Variants in MGAT4C observed in about 807,000 individuals in gnomAD.
The protein encoded by MGAT4C is alpha-1,3-mannosyl-glycoprotein 4-beta-N-acetylglucosaminyltransferase C.
In MGAT4C, 19 loss-of-function variants were observed where a neutral mutation model predicts 40.1. That is an observed-to-expected ratio of 0.47 (90% CI 0.33 to 0.70). The LOEUF (loss-of-function observed/expected upper bound fraction) is 0.70, where lower values mean the gene tolerates loss of function less well. Among genes scored for constraint, MGAT4C ranks in the 30% least tolerant of loss-of-function variants. MGAT4C has a pLI of 0.02. For synonymous variants in MGAT4C, 181 were observed against 187.1 expected (o/e 0.97, Z 0.27); for missense variants, 491 against 563.2 (o/e 0.87, Z 1.30).
At chr12:86,021,690 TAACA>T (rs1889748764) in intron 2 of MGAT4C, among the ~76,000 whole-genome samples, 1 of 151,984 alleles carries the variant, frequency 6.6e-6, no homozygotes. Context: ...TATACATATG[TAACA>T]AACCTGCACG....
intron 2 of MGAT4C, among the ~76,000 whole-genome samples, chr12:86,585,469 C>T (rs1193180346): frequency 6.6e-6 from 1 of 151,146 alleles, no homozygotes; most frequent in African/African-American, 2.4e-5. Flanking sequence ...AAACATATTA[C>T]ATTAATTAAA....
chr12:86,791,431 G>GTTT (rs77404320), intron 1 of MGAT4C, among the ~76,000 whole-genome samples: 1 of 144,110 alleles, frequency 6.9e-6, no homozygotes, highest in African/African-American at 2.6e-5. Context: ...GCTTTAAACT[G>GTTT]TTTTTTTTTT....
At chr12:86,686,190 A>G (rs992037045) in intron 2 of MGAT4C, among the ~76,000 whole-genome samples, 9 of 151,776 alleles carry the variant, frequency 5.9e-5, no homozygotes, top group Admixed American at 2.6e-4. Flanking sequence ...AATGCTTGTG[A>G]TTTTTGCACA....
intron 1 of MGAT4C, among the ~76,000 whole-genome samples, chr12:86,084,130 C>G (rs771633497): frequency 6.6e-6 from 1 of 151,960 alleles, no homozygotes; most frequent in African/African-American, 2.4e-5. Flanking sequence ...GAAGTCCCTG[C>G]GCTCAAAAAA....
intron 1 of MGAT4C, among the ~76,000 whole-genome samples, chr12:86,239,247 T>A (rs1341149124): frequency 6.6e-6 from 1 of 152,124 alleles, no homozygotes; most frequent in African/African-American, 2.4e-5. Flanking sequence ...GATGTCTCAA[T>A]GAATCTGGCT....
rs1882853248 is a variant in MGAT4C at position 85,957,437 on chromosome 12, A to G, written c.*21852T>C. 1 of 152,174 alleles carries G rather than the reference A, an allele frequency of 6.6e-6. No homozygotes were observed. Among genetic ancestry groups the G allele is most frequent in the South Asian group, 2.1e-4 (1 of 4,828 alleles). 9.4% of individuals were successfully genotyped at this position (152,174 alleles called of 1,614,324 possible). On this transcript the variant is annotated 3_prime_UTR_variant, in exon 5 of 5. Coordinates refer to ENST00000611864, the MANE Select transcript of MGAT4C (RefSeq NM_001351288.2). Reference sequence around the variant, plus strand: ...CTCTAGCCTTCCTTTCATGACATGCATGAACTCTAGCAGTGGCTAGAAGGA... The same window carrying G: ...CTCTAGCCTTCCTTTCATGACATGCGTGAACTCTAGCAGTGGCTAGAAGGA...
At chr12:86,564,514 A>G (rs912814181) in intron 2 of MGAT4C, among the ~76,000 whole-genome samples, 2 of 152,226 alleles carry the variant, frequency 1.3e-5, no homozygotes, top group East Asian at 3.9e-4. Flanking sequence ...GTCCAGTAAC[A>G]ATAAGTAGCA....
intron 2 of MGAT4C, among the ~76,000 whole-genome samples, chr12:86,546,853 G>A (rs1264514034): frequency 1.3e-5 from 2 of 151,950 alleles, no homozygotes; most frequent in African/African-American, 4.8e-5. Flanking sequence ...TCTAGATGCC[G>A]CCTAAAAGCG....
chr12:86,269,038 A>G (rs1229328509), intron 4 of MGAT4C, among the ~76,000 whole-genome samples: 5 of 134,518 alleles, frequency 3.7e-5, no homozygotes, highest in African/African-American at 8.6e-5. Flanking sequence ...ATATATATAT[A>G]TATATATATA....
intron 2 of MGAT4C, among the ~76,000 whole-genome samples, chr12:86,450,495 A>G (rs1010789758): frequency 6.6e-6 from 1 of 152,100 alleles, no homozygotes; most frequent in African/African-American, 2.4e-5. Context: ...AGTGAATAGA[A>G]GTTCTTATTT....
chr12:86,456,969 C>T (rs908835894), intron 2 of MGAT4C, among the ~76,000 whole-genome samples: 1 of 152,094 alleles, frequency 6.6e-6, no homozygotes, highest in Admixed American at 6.6e-5. Context: ...GGAGCATTTT[C>T]AAAAGCCGGA....
At chr12:86,782,791 T>C (rs1373047167) in intron 1 of MGAT4C, among the ~76,000 whole-genome samples, 1 of 151,864 alleles carries the variant, frequency 6.6e-6, no homozygotes, top group African/African-American at 2.4e-5. Context: ...GAGGAAAAGC[T>C]ACGTGAAGAC....
At chr12:86,489,460 T>C (rs1305679821) in intron 2 of MGAT4C, among the ~76,000 whole-genome samples, 3 of 152,198 alleles carry the variant, frequency 2.0e-5, no homozygotes, top group African/African-American at 7.2e-5. Context: ...CCCTTTCCTC[T>C]TGCTGCCAGA....
intron 4 of MGAT4C, among the ~76,000 whole-genome samples, chr12:86,313,358 A>C (rs1186788354): frequency 6.6e-6 from 1 of 152,202 alleles, no homozygotes. Flanking sequence ...GCAGACACAA[A>C]TTTAACTTGT....
intron 1 of MGAT4C, among the ~76,000 whole-genome samples, chr12:86,179,921 CTAA>C (rs771001448): frequency 9.2e-5 from 14 of 152,202 alleles, no homozygotes; most frequent in Non-Finnish European, 1.8e-4. Context: ...AGCAAAGATA[CTAA>C]TGTTAATCCC....
At chr12:86,407,849 T>C (rs1956506313) in intron 3 of MGAT4C, among the ~76,000 whole-genome samples, 1 of 152,124 alleles carries the variant, frequency 6.6e-6, no homozygotes, top group Non-Finnish European at 1.5e-5. Flanking sequence ...CAGGAATTTA[T>C]AGCTGCTTTT....
rs543871775 is a variant in MGAT4C, at chr12:86,318,258, C to G, written c.-57+15807G>C. Among the ~76,000 whole-genome samples, 4 of 152,260 alleles carry G rather than the reference C, an allele frequency of 2.6e-5. No individual in the cohort carries two copies. In the South Asian group the frequency reaches 8.3e-4, roughly 32 times the overall value. ...AGGTTTGAATTCATACCTGAAAGAA[C>G]TAGATGAATGTTACTATTTCTTTTG... On this transcript the variant is annotated intron_variant, in intron 4 of 7. Coordinates refer to the MGAT4C transcript ENST00000548651.
intron 2 of MGAT4C, among the ~76,000 whole-genome samples, chr12:86,472,714 C>T (rs1957773497): frequency 6.6e-6 from 1 of 151,992 alleles, no homozygotes; most frequent in Non-Finnish European, 1.5e-5. Context: ...AAGATATTTG[C>T]ATTTTCAAGT....
intron 3 of MGAT4C, among the ~76,000 whole-genome samples, chr12:86,398,956 A>G (rs924837719): frequency 6.6e-6 from 1 of 151,852 alleles, no homozygotes; most frequent in Admixed American, 6.6e-5. Context: ...TTTTTGTCCA[A>G]TTACATTTGT....
Sources: allele counts gnomAD v4.1 joint callset (sites outside exome capture counted in the v4.1 genomes callset), GRCh38; gene constraint gnomAD v4.1.1; transcripts MANE v1.5; gene names NCBI Gene and HGNC (gene_info 2026-07-23, HGNC 2026-07-21).